LUZP2: variants seen among roughly 807,000 people sequenced by gnomAD.
The protein encoded by LUZP2 is leucine zipper protein 2.
A neutral mutation model predicts 51.6 loss-of-function variants in LUZP2; 52 were observed. That is an observed-to-expected ratio of 1.01 (90% confidence interval 0.81 to 1.27). LUZP2 has a LOEUF of 1.27. Ranked by LOEUF, LUZP2 falls within the 50% of genes most tolerant of loss-of-function variation. LUZP2 has a pLI of 0.00. For missense variants in LUZP2, 436 were observed against 395.4 expected, an observed-to-expected ratio of 1.10 and a Z score of -0.87; for synonymous variants, 154 against 137.3, an observed-to-expected ratio of 1.12 and a Z score of -0.85.
chr11:25,025,796 T>C (rs2133981663), intron 9 of LUZP2, among the ~76,000 whole-genome samples: 1 of 152,302 alleles, frequency 6.6e-6, no homozygotes, highest in South Asian at 2.1e-4. Flanking sequence ...TTACTGGGCA[T>C]ATACCCAAAG....
chr11:25,055,035 G>T, intron 10 of LUZP2, among the ~76,000 whole-genome samples: 1 of 141,892 alleles, frequency 7.0e-6, no homozygotes. Flanking sequence ...TTTTCGAGGC[G>T]GAGTCTCGCT....
intron 1 of LUZP2, among the ~76,000 whole-genome samples, chr11:24,698,667 C>T (rs1857323643): frequency 6.6e-6 from 1 of 152,158 alleles, no homozygotes; most frequent in Non-Finnish European, 1.5e-5. Context: ...TGTTGATTCT[C>T]TTCAATTAGG....
intron 7 of LUZP2, among the ~76,000 whole-genome samples, chr11:24,931,913 G>C (rs1483661847): frequency 6.6e-6 from 1 of 152,160 alleles, no homozygotes; most frequent in Non-Finnish European, 1.5e-5. Flanking sequence ...CTGGGGTTCA[G>C]GGGTTACTGT....
chr11:24,778,362 T>C (rs1849000442), intron 5 of LUZP2, among the ~76,000 whole-genome samples: 1 of 152,136 alleles, frequency 6.6e-6, no homozygotes, highest in Non-Finnish European at 1.5e-5. Context: ...CCACAGTGAG[T>C]TGTGGTCATA....
intron 5 of LUZP2, among the ~76,000 whole-genome samples, chr11:24,877,284 C>G (rs1033310448): frequency 1.3e-5 from 2 of 152,006 alleles, no homozygotes. Context: ...ATTTGTACTA[C>G]TAGTGAATAT....
chr11:24,735,703 C>T (rs989526429), intron 3 of LUZP2, among the ~76,000 whole-genome samples: 1 of 151,820 alleles, frequency 6.6e-6, no homozygotes, highest in African/African-American at 2.4e-5. Flanking sequence ...CTTTAAAATT[C>T]TTTGTAACAC....
At chr11:24,832,708 T>C (rs918817288) in intron 5 of LUZP2, among the ~76,000 whole-genome samples, 2 of 151,942 alleles carry the variant, frequency 1.3e-5, no homozygotes. Context: ...AATATCTTTG[T>C]GTCTTTAAAA....
intron 4 of LUZP2, among the ~76,000 whole-genome samples, chr11:24,739,943 T>C (rs902003402): frequency 2.6e-5 from 4 of 152,104 alleles, no homozygotes; most frequent in African/African-American, 9.7e-5. Flanking sequence ...ATACCAAATG[T>C]TACATAAAAG....
At chr11:24,849,419 TG>T (rs1445239321) in intron 5 of LUZP2, among the ~76,000 whole-genome samples, 8 of 152,162 alleles carry the variant, frequency 5.3e-5, no homozygotes, top group African/African-American at 1.7e-4. Flanking sequence ...CTGAGAATGA[TG>T]GTTTCCAGCT....
intron 5 of LUZP2, among the ~76,000 whole-genome samples, chr11:24,881,307 G>A (rs1308523128): frequency 4.3e-5 from 6 of 141,150 alleles, no homozygotes; most frequent in African/African-American, 1.7e-4. Context: ...GAGAGACTGA[G>A]TAATTGCCAA....
chr11:24,897,551 C>T (rs907801927), intron 5 of LUZP2, among the ~76,000 whole-genome samples: 1 of 152,084 alleles, frequency 6.6e-6, no homozygotes, highest in African/African-American at 2.4e-5. Flanking sequence ...CCGCGAAGGT[C>T]TGCAGTTTCA....
chr11:24,561,553 C>T (rs1327696817), intron 1 of LUZP2, among the ~76,000 whole-genome samples: 1 of 152,076 alleles, frequency 6.6e-6, no homozygotes, highest in African/African-American at 2.4e-5. Flanking sequence ...TCTCAGCAAA[C>T]TAACACCAGA....
intron 1 of LUZP2, among the ~76,000 whole-genome samples, chr11:24,614,016 A>T (rs1854208373): frequency 6.6e-6 from 1 of 151,988 alleles, no homozygotes; most frequent in South Asian, 2.1e-4. Flanking sequence ...AGCTGTGTTT[A>T]TGAGCTTGTT....
intron 5 of LUZP2, among the ~76,000 whole-genome samples, chr11:24,833,507 A>C (rs1412939020): frequency 6.6e-6 from 1 of 152,174 alleles, no homozygotes; most frequent in African/African-American, 2.4e-5. Context: ...CAAGTTGGAC[A>C]TACCCAGGGA....
chr11:24,822,266 C>G (rs1850384234), intron 5 of LUZP2, among the ~76,000 whole-genome samples: 1 of 152,064 alleles, frequency 6.6e-6, no homozygotes, highest in African/African-American at 2.4e-5. Context: ...CACTGACTGT[C>G]ATTTTCTCTT....
chr11:24,791,012 G>A (rs1382768176), intron 5 of LUZP2, among the ~76,000 whole-genome samples: 1 of 152,104 alleles, frequency 6.6e-6, no homozygotes, highest in Non-Finnish European at 1.5e-5. Context: ...AGATATGTAT[G>A]TGCAAATGCT....
chr11:24,519,672 T>A (rs1372929280), intron 1 of LUZP2, among the ~76,000 whole-genome samples: 1 of 152,240 alleles, frequency 6.6e-6, no homozygotes, highest in African/African-American at 2.4e-5. Context: ...TCTTTTCATG[T>A]CTTGGTTAAT....
chr11:24,703,244 C>G lies in LUZP2; in HGVS notation c.63-25925C>G, dbSNP rs544497019. Among the ~76,000 whole-genome samples, 19 of 152,252 alleles carry G rather than the reference C, an allele frequency of 1.2e-4. No homozygotes were observed. In the South Asian group the frequency reaches 3.9e-3, roughly 32 times the overall value. Reference sequence around the variant, plus strand: ...ATCAGTTAATAAGCTTGTAGTGTATCCAATTAACCTGGGAGTATCCAAGCA... The same window carrying G: ...ATCAGTTAATAAGCTTGTAGTGTATGCAATTAACCTGGGAGTATCCAAGCA... On this transcript the variant is annotated intron_variant, in intron 1 of 11. Transcript: ENST00000336930.
chr11:24,891,455 T>C, intron 5 of LUZP2: 1 of 950,412 alleles, frequency 1.1e-6, no homozygotes, highest in East Asian at 1.2e-4. Flanking sequence ...TGGTTCCTAA[T>C]AAGGGAAGAT....
Sources: allele counts gnomAD v4.1 joint callset (sites outside exome capture counted in the v4.1 genomes callset), GRCh38; gene constraint gnomAD v4.1.1; transcripts MANE v1.5; gene names NCBI Gene and HGNC (gene_info 2026-07-23, HGNC 2026-07-21).